Variants in KCNS2 observed in about 807,000 individuals in gnomAD.
KCNS2 encodes the protein potassium voltage-gated channel modifier subfamily S member 2.
In KCNS2, 15 loss-of-function variants were observed where a neutral mutation model predicts 28.3. The ratio of observed to expected loss-of-function variants is 0.53; its 90% CI spans 0.35 to 0.82. KCNS2 has a LOEUF of 0.82. KCNS2 is among the 40% of genes least tolerant of loss of function. KCNS2 has a pLI of 0.01. For missense variants in KCNS2, 501 were observed against 617.1 expected (o/e 0.81, Z 1.99); for synonymous variants, 254 against 256.7 (o/e 0.99, Z 0.10).
At position 98,429,583 on chromosome 8, in the gene KCNS2, GA is replaced by G. The variant is rs1296261592; in HGVS notation, c.*171del. The G allele has an allele frequency of 5.1e-6, 3 of 593,224 alleles. No individual in the cohort carries two copies. Among genetic ancestry groups the G allele is most frequent in the Non-Finnish European group, 6.1e-6 (2 of 329,202 alleles). The allele number at this position is 593,224 out of a possible 1,614,324, so 36.7% of individuals were successfully genotyped here. ...TTTACAGTTTTTAGAATCGTTTTTAGAGGGTGGTGTGTCTGACACCATGCCT... is the reference window on the plus strand; with the variant it reads ...TTTACAGTTTTTAGAATCGTTTTTAGGGGTGGTGTGTCTGACACCATGCCT... On this transcript the variant is annotated 3_prime_UTR_variant, in exon 2 of 2. Transcript: ENST00000287042.
rs1818352576 is a variant in KCNS2 at position 98,432,597 on chromosome 8, T to C, written c.*3184T>C. 6.0e-6 allele frequency: 1 copy of C among 167,136 alleles called. No homozygotes were observed. Among genetic ancestry groups the C allele is most frequent in the Non-Finnish European group, 1.5e-5 (1 of 68,120 alleles). 10.4% of individuals were successfully genotyped at this position (167,136 alleles called of 1,614,324 possible). ...TTGTTATTTCTACTTATCTTAGCAC[T>C]CAAATAATTGAACTACCTGCTAATT... On this transcript the variant is annotated 3_prime_UTR_variant, in exon 2 of 2. Transcript: ENST00000287042.
Position 98,427,000 on chromosome 8 carries a change from C to A in KCNS2, c.-372C>A, listed in dbSNP as rs1818243811. 1 of 150,400 alleles carries A rather than the reference C, an allele frequency of 6.6e-6. No homozygotes were observed. The allele number at this position is 150,400 out of a possible 1,614,324, so 9.3% of individuals were successfully genotyped here. ...GCGCAGGGCGGGCGCCCCGTCACAC[C>A]CGCTCTGCTCCCGCCCCGGCTCACG... is the stretch of plus-strand genomic sequence containing the variant. On this transcript the variant is annotated 5_prime_UTR_variant, in exon 1 of 2. Coordinates refer to ENST00000287042, the MANE Select transcript of KCNS2 (RefSeq NM_020697.4).
chr8:98,429,675 TG>T lies in KCNS2; in HGVS notation c.*263del. On this transcript the variant is annotated 3_prime_UTR_variant, in exon 2 of 2. Transcript: ENST00000287042. ...CGTGGGCATAAAATGTTCACCTTTT[TG>T]CCAGATGAGTACACCCAGAATGCTA... is the stretch of plus-strand genomic sequence containing the variant. 4.2e-6 allele frequency: 2 copies of T among 480,982 alleles called. No homozygotes were observed. Among genetic ancestry groups the T allele is most frequent in the Non-Finnish European group, 3.8e-6 (1 of 265,352 alleles). 29.8% of individuals were successfully genotyped at this position (480,982 alleles called of 1,614,324 possible). A position where few individuals can be genotyped will look rare whatever the true frequency, so the allele number is the denominator to read the frequency against.
In KCNS2 at chr8:98,429,428, C is replaced by T. The variant is rs1342141815; in HGVS notation, c.*15C>T. 1.3e-6 allele frequency: 2 copies of T among 1,550,628 alleles called. No homozygotes were observed. The highest frequency in any genetic ancestry group is 1.7e-5 in the Admixed American group (1 of 58,970). On this transcript the variant is annotated 3_prime_UTR_variant, in exon 2 of 2. Coordinates refer to ENST00000287042, the MANE Select transcript of KCNS2 (RefSeq NM_020697.4). ...CCCTACGTTAGCCGGGAGGACTTGT[C>T]ACCCTCCACCCCACATTGCTGAGCT...
rs1268337386 is a variant in KCNS2 at position 98,430,808 on chromosome 8, A to G, written c.*1395A>G. ...TGCTAGTTCATAAAATGTCATAAAAAATTGTAAACTTGAAAAGCTTAATGC... is the reference window on the plus strand; with the variant it reads ...TGCTAGTTCATAAAATGTCATAAAAGATTGTAAACTTGAAAAGCTTAATGC... On this transcript the variant is annotated 3_prime_UTR_variant, in exon 2 of 2. Transcript: ENST00000287042. 6.0e-6 allele frequency: 1 copy of G among 167,090 alleles called. No homozygotes were observed. Among genetic ancestry groups the G allele is most frequent in the Non-Finnish European group, 1.5e-5 (1 of 68,126 alleles). The allele number at this position is 167,090 out of a possible 1,614,324, so 10.4% of individuals were successfully genotyped here. A position where few individuals can be genotyped will look rare whatever the true frequency, so the allele number is the denominator to read the frequency against.
At position 98,431,718 on chromosome 8, in the gene KCNS2, G is replaced by T. The variant is rs907705789; in HGVS notation, c.*2305G>T. ...CCACCAAAAAAGAGGTACCCTAGTGGTTACCCTTTGCAGATGTGAAAGCTG... is the reference window on the plus strand; with the variant it reads ...CCACCAAAAAAGAGGTACCCTAGTGTTTACCCTTTGCAGATGTGAAAGCTG... On this transcript the variant is annotated 3_prime_UTR_variant, in exon 2 of 2. Transcript: ENST00000287042. 1 of 167,086 alleles carries T rather than the reference G, an allele frequency of 6.0e-6. No homozygotes were observed. The highest frequency in any genetic ancestry group is 1.5e-5 in the Non-Finnish European group (1 of 68,118). 10.4% of individuals were successfully genotyped at this position (167,086 alleles called of 1,614,324 possible).
chr8:98,432,488 G>A lies in KCNS2; in HGVS notation c.*3075G>A, dbSNP rs772153433. On this transcript the variant is annotated 3_prime_UTR_variant, in exon 2 of 2. Transcript: ENST00000287042. The stretch of plus-strand genomic sequence containing the variant: ...TTTCTGCCAAACCCCCACATTTCTC[G>A]GGTTTGTGAGTGAGGAAGGGCATGT... The A allele has an allele frequency of 1.2e-5, 2 of 167,184 alleles. No individual in the cohort carries two copies. Among genetic ancestry groups the A allele is most frequent in the African/African-American group, 4.8e-5 (2 of 41,566 alleles). 10.4% of individuals were successfully genotyped at this position (167,184 alleles called of 1,614,324 possible).
At position 98,430,984 on chromosome 8, in the gene KCNS2, C is replaced by T. The variant is rs1586558737; in HGVS notation, c.*1571C>T. On this transcript the variant is annotated 3_prime_UTR_variant, in exon 2 of 2. Coordinates refer to ENST00000287042, the MANE Select transcript of KCNS2 (RefSeq NM_020697.4). The stretch of plus-strand genomic sequence containing the variant: ...CCTCTATAAGATAATTCTTCTCCAT[C>T]ATCTTTAAGGTAATCTGATGGTTTT... 6.0e-6 allele frequency: 1 copy of T among 167,086 alleles called. No individual in the cohort carries two copies. Among genetic ancestry groups the T allele is most frequent in the East Asian group, 1.9e-4 (1 of 5,204 alleles). 10.4% of individuals were successfully genotyped at this position (167,086 alleles called of 1,614,324 possible). A position where few individuals can be genotyped will look rare whatever the true frequency, so the allele number is the denominator to read the frequency against.
chr8:98,428,791 T>C lies in KCNS2; in HGVS notation c.812T>C (p.Phe271Ser). 6.2e-7 allele frequency: 1 copy of C among 1,614,176 alleles called. No homozygotes were observed. Among genetic ancestry groups the C allele is most frequent in the South Asian group, 1.1e-5 (1 of 91,066 alleles). The change falls in exon 2 of 2, where the codon TTT (phenylalanine) becomes TCT (serine). Residue 271 changes from phenylalanine to serine, a missense_variant. By Grantham distance (155) the Phe-to-Ser change is radical. Transcript: ENST00000287042. The surrounding 1 kb of genome is among the most constrained non-coding windows in gnomAD (Gnocchi z 6.7). The stretch of plus-strand genomic sequence containing the variant: ...ATTGACCTCATGTCCATCGTCCCCT[T>C]TTACATCACTCTGGTGGTGAACCTG... The part of the protein sequence containing the change: ...NLIDLMSIVP[F>S]YITLVVNLVV...
chr8:98,429,268 G>C lies in KCNS2; in HGVS notation c.1289G>C (p.Cys430Ser). Residue 430 changes from cysteine (C) to serine (S), a missense_variant, in exon 2 of 2, where the codon TGT becomes TCT. Cys to Ser is a moderately radical substitution (Grantham distance 112, BLOSUM62 -1). Coordinates refer to ENST00000287042, the MANE Select transcript of KCNS2 (RefSeq NM_020697.4). ...QKQLESAMRSCDFGDGMKEVP... is the reference protein window; with the variant it reads ...QKQLESAMRSSDFGDGMKEVP... ...CAACTTGAGAGTGCCATGCGCAGCT[G>C]TGACTTTGGAGATGGAATGAAGGAG... 6.2e-7 allele frequency: 1 copy of C among 1,614,122 alleles called. No individual in the cohort carries two copies. Among genetic ancestry groups the C allele is most frequent in the Non-Finnish European group, 8.5e-7 (1 of 1,180,036 alleles).
rs775032317 is a variant in KCNS2 at position 98,428,813 on chromosome 8, C to A, written c.834C>A (p.Asn278Lys). 2 of 1,614,194 alleles carry A rather than the reference C, an allele frequency of 1.2e-6. No homozygotes were observed. Among genetic ancestry groups the A allele is most frequent in the Non-Finnish European group, 1.7e-6 (2 of 1,180,040 alleles). Reference protein sequence around the residue: ...IVPFYITLVVNLVVESTPTLA... With the variant: ...IVPFYITLVVKLVVESTPTLA... ...CCTTTTACATCACTCTGGTGGTGAA[C>A]CTGGTGGTGGAGAGCACACCTACTT... The change falls in exon 2 of 2, where the codon AAC becomes AAA. Residue 278 changes from asparagine (N) to lysine (K), a missense_variant. Coordinates refer to ENST00000287042, the MANE Select transcript of KCNS2 (RefSeq NM_020697.4). The surrounding 1 kb of genome is among the most constrained non-coding windows in gnomAD (Gnocchi z 6.7).
rs761932638 is a variant in KCNS2 at position 98,429,054 on chromosome 8, G to T, written c.1075G>T (p.Ala359Ser). Residue 359 changes from alanine (A) to serine (S), a missense_variant, in exon 2 of 2, where the codon GCC becomes TCC. Coordinates refer to ENST00000287042, the MANE Select transcript of KCNS2 (RefSeq NM_020697.4). ...TIEKEENEGL[A>S]TIPACWWWAT... ...TGAAAAGGAGGAGAACGAGGGCCTGGCCACCATCCCTGCCTGCTGGTGGTG... is the reference window on the plus strand; with the variant it reads ...TGAAAAGGAGGAGAACGAGGGCCTGTCCACCATCCCTGCCTGCTGGTGGTG... 5 of 1,613,110 alleles carry T rather than the reference G, an allele frequency of 3.1e-6. No individual in the cohort carries two copies. The Admixed American group carries it at 5.0e-5, about 16-fold the overall frequency.
intron 1 of KCNS2, 109 bp from the exon 2 acceptor site, chr8:98,427,829 C>T: frequency 1.6e-6 from 1 of 630,340 alleles, no homozygotes; most frequent in Non-Finnish European, 2.7e-6. Flanking sequence ...CCCAGCCCTT[C>T]AGCACCCAAG....
At position 98,427,918 on chromosome 8, in the gene KCNS2, G is replaced by A; in HGVS notation, c.-42-20G>A. 1.4e-6 allele frequency: 2 copies of A among 1,380,764 alleles called. No homozygotes were observed. Among genetic ancestry groups the A allele is most frequent in the South Asian group, 2.9e-5 (2 of 67,856 alleles). The allele number at this position is 1,380,764 out of a possible 1,614,324, so 85.5% of individuals were successfully genotyped here. A position where few individuals can be genotyped will look rare whatever the true frequency, so the allele number is the denominator to read the frequency against. ...CAGGGCGCACGGCGCTCTCGCCGAC[G>A]CTGTTCCCTCCGCTTCCAGGTGTAG... On this transcript the variant is annotated intron_variant, in intron 1 of 1. Transcript: ENST00000287042.
intron 1 of KCNS2, 125 bp from the exon 2 acceptor site, chr8:98,427,813 C>G: frequency 1.7e-6 from 1 of 603,064 alleles, no homozygotes. Flanking sequence ...CAAACTCTTG[C>G]CCCAGCCCAG....
chr8:98,428,075 G>C lies in KCNS2; in HGVS notation c.96G>C (p.Ser32=), dbSNP rs1221135611. The change falls in exon 2 of 2, where the codon TCG becomes TCC. Residue 32 remains serine (S), a synonymous_variant. Coordinates refer to ENST00000287042, the MANE Select transcript of KCNS2 (RefSeq NM_020697.4). The surrounding 1 kb of genome is among the most constrained non-coding windows in gnomAD (Gnocchi z 6.7). ...NVGGFKRRLR[S]HTLLRFPETR... ...GCGGCTTCAAGAGGAGGCTGCGCTC[G>C]CACACGCTGCTGCGCTTCCCCGAGA... 2 of 1,613,586 alleles carry C rather than the reference G, an allele frequency of 1.2e-6. No individual in the cohort carries two copies. The highest frequency in any genetic ancestry group is 1.7e-6 in the Non-Finnish European group (2 of 1,179,822).
rs1031582197 is a variant in KCNS2 at position 98,430,419 on chromosome 8, G to C, written c.*1006G>C. ...CTCAACTAAAAAGAAGTTTACTGTT[G>C]TATCGTCTCCCTGAGGTGAACGTTG... is the stretch of plus-strand genomic sequence containing the variant. On this transcript the variant is annotated 3_prime_UTR_variant, in exon 2 of 2. Coordinates refer to ENST00000287042, the MANE Select transcript of KCNS2 (RefSeq NM_020697.4). The C allele has an allele frequency of 4.2e-5, 7 of 167,102 alleles. No homozygotes were observed. Among genetic ancestry groups the C allele is most frequent in the African/African-American group, 1.4e-4 (6 of 41,456 alleles). 10.4% of individuals were successfully genotyped at this position (167,102 alleles called of 1,614,324 possible). A position where few individuals can be genotyped will look rare whatever the true frequency, so the allele number is the denominator to read the frequency against.
chr8:98,429,131 C>T lies in KCNS2; in HGVS notation c.1152C>T (p.Thr384=), dbSNP rs772706491. 1 of 1,613,204 alleles carries T rather than the reference C, an allele frequency of 6.2e-7. No homozygotes were observed. Among genetic ancestry groups the T allele is most frequent in the African/African-American group, 1.3e-5 (1 of 74,900 alleles). Residue 384 remains threonine (T), a synonymous_variant, in exon 2 of 2, where the codon ACC becomes ACT. Coordinates refer to ENST00000287042, the MANE Select transcript of KCNS2 (RefSeq NM_020697.4). ...TVGYGDVVPG[T]TAGKLTASAC... ...GGTACGGGGATGTGGTCCCAGGGAC[C>T]ACGGCAGGAAAGCTGACTGCCTCTG...
At position 98,428,437 on chromosome 8, in the gene KCNS2, C is replaced by CCTT. The variant is rs775782180; in HGVS notation, c.461_463dup (p.Phe154dup). 6 of 1,614,142 alleles carry CCTT rather than the reference C, an allele frequency of 3.7e-6. No homozygotes were observed. The highest frequency in any genetic ancestry group is 5.1e-6 in the Non-Finnish European group (6 of 1,180,036). On this transcript the variant is annotated inframe_insertion, in exon 2 of 2. Coordinates refer to ENST00000287042, the MANE Select transcript of KCNS2 (RefSeq NM_020697.4). The surrounding 1 kb of genome is among the most constrained non-coding windows in gnomAD (Gnocchi z 6.7). ...ACGTCTTCCTTCGATGAGATCCTTGCCTTCTACAACGACGCCTCCAAGTTC... is the reference window on the plus strand; with the variant it reads ...ACGTCTTCCTTCGATGAGATCCTTGCCTTCTTCTACAACGACGCCTCCAAGTTC...
Sources: allele counts gnomAD v4.1 joint callset, GRCh38; gene constraint gnomAD v4.1.1; non-coding constraint Gnocchi (gnomAD v3.1); transcripts MANE v1.5; gene names NCBI Gene and HGNC (gene_info 2026-07-23, HGNC 2026-07-21).